Variants in ZZEF1 observed in about 807,000 individuals in gnomAD.
ZZEF1 encodes the protein zinc finger ZZ-type and EF-hand domain containing 1.
In ZZEF1, 157 loss-of-function variants were observed where a neutral mutation model predicts 342.8. The ratio of observed to expected loss-of-function variants is 0.46; its 90% confidence interval spans 0.40 to 0.52. The LOEUF is 0.52. ZZEF1 is among the 20% of genes least tolerant of loss of function. The pLI, the probability that ZZEF1 is intolerant of heterozygous loss-of-function variation, is 0.00. For synonymous variants in ZZEF1, 1,505 were observed against 1,429.1 expected, an observed-to-expected ratio of 1.05 and a Z score of -1.20; for missense variants, 3,480 against 3,725.6, an observed-to-expected ratio of 0.93 and a Z score of 1.72.
intron 52 of ZZEF1, among the ~76,000 whole-genome samples, chr17:4,010,449 G>A (rs933136790): frequency 8.6e-5 from 13 of 151,756 alleles, no homozygotes; most frequent in Non-Finnish European, 1.5e-5. Flanking sequence ...GGCCGGGCGC[G>A]GTAGCTCACG....
chr17:4,051,805 A>G, intron 35 of ZZEF1, among the ~76,000 whole-genome samples, 166 bp downstream of exon 35: 1 of 151,830 alleles, frequency 6.6e-6, no homozygotes, highest in East Asian at 1.9e-4. Context: ...TAACTGCTGA[A>G]CCTGGGTAAT....
intron 39 of ZZEF1, among the ~76,000 whole-genome samples, chr17:4,035,367 G>A (rs2056637304): frequency 6.6e-6 from 1 of 152,172 alleles, no homozygotes; most frequent in African/African-American, 2.4e-5. Flanking sequence ...TTCTCAAGAA[G>A]GCGTCTTTCT....
chr17:4,087,071 G>A (rs1174617446), intron 14 of ZZEF1, among the ~76,000 whole-genome samples: 4 of 152,022 alleles, frequency 2.6e-5, no homozygotes, highest in Admixed American at 2.0e-4. Context: ...TAGTAGAGAC[G>A]GGGTTTCACC....
At chr17:4,049,497 C>T (rs979297974) in intron 37 of ZZEF1, among the ~76,000 whole-genome samples, 5 of 152,050 alleles carry the variant, frequency 3.3e-5, no homozygotes, top group South Asian at 2.1e-4. Context: ...TGGGTGACAG[C>T]GAGACCCTGT....
chr17:4,014,235 G>A lies in ZZEF1; in HGVS notation c.8315-47C>T, dbSNP rs550245729. On this transcript the variant is annotated intron_variant, in intron 50 of 54. Coordinates refer to ENST00000381638, the MANE Select transcript of ZZEF1 (RefSeq NM_015113.4). This position sits in a 1 kb window ranked among gnomAD's most constrained non-coding sequence, Gnocchi z 4.4. The stretch of plus-strand genomic sequence containing the variant: ...GCCCATCAGGAACTGAAGCAACAGG[G>A]AATGGCAGCAGTGGTGTTGGGTTTC... 25 of 1,610,714 alleles carry A rather than the reference G, an allele frequency of 1.6e-5. No individual in the cohort carries two copies. The South Asian group carries it at 2.5e-4, about 16-fold the overall frequency.
Position 4,017,218 on chromosome 17 carries a change from G to A in ZZEF1, c.8001+153C>T, listed in dbSNP as rs1214054855. ...CCTCACTAGCCCAATCCTTGGGAGA[G>A]GATACAGTGACCCTACCTTTGCTGC... is the stretch of plus-strand genomic sequence containing the variant. On this transcript the variant is annotated intron_variant, in intron 48 of 54. Transcript: ENST00000381638. This position sits in a 1 kb window ranked among gnomAD's most constrained non-coding sequence, Gnocchi z 5.1. 5 of 1,091,840 alleles carry A rather than the reference G, an allele frequency of 4.6e-6. No homozygotes were observed. The highest frequency in any genetic ancestry group is 1.6e-5 in the South Asian group (1 of 60,938). 67.6% of individuals were successfully genotyped at this position (1,091,840 alleles called of 1,614,324 possible).
At position 4,142,770 on chromosome 17, in the gene ZZEF1, T is replaced by C. The variant is rs2058887610; in HGVS notation, c.126A>G (p.Pro42=). 3 of 1,438,782 alleles carry C rather than the reference T, an allele frequency of 2.1e-6. No individual in the cohort carries two copies. The highest frequency in any genetic ancestry group is 1.4e-5 in the South Asian group (1 of 69,340). The allele number at this position is 1,438,782 out of a possible 1,614,324, so 89.1% of individuals were successfully genotyped here. ...GCAGCGCCGCGGCGGGTGGTAGCGC[T>C]GGAGCCGCGACGCCCGGGCCGGGGG... ...GTTPGPGVAA[P]ALPPAAALLE... Residue 42 remains proline (P), a synonymous_variant, in exon 1 of 55, where the codon CCA becomes CCG. Coordinates refer to ENST00000381638, the MANE Select transcript of ZZEF1 (RefSeq NM_015113.4).
chr17:4,083,484 TC>T (rs2057762207), intron 16 of ZZEF1, among the ~76,000 whole-genome samples: 2 of 152,100 alleles, frequency 1.3e-5, no homozygotes, highest in African/African-American at 4.8e-5. Flanking sequence ...CAAACAAATA[TC>T]CTTCCTCTTC....
At chr17:4,036,732 CA>C (rs112646423) in intron 39 of ZZEF1, among the ~76,000 whole-genome samples, 78 of 116,072 alleles carry the variant, frequency 6.7e-4, no homozygotes, top group Non-Finnish European at 6.3e-4. Context: ...ACTCCATCTT[CA>C]AAAAAAAAAA....
chr17:4,098,870 A>T (rs1402707566), intron 9 of ZZEF1, among the ~76,000 whole-genome samples: 2 of 152,238 alleles, frequency 1.3e-5, no homozygotes, highest in Non-Finnish European at 2.9e-5. Flanking sequence ...AATCCATACT[A>T]CCAACAATTC....
intron 44 of ZZEF1, among the ~76,000 whole-genome samples, chr17:4,022,247 G>A (rs2056290565): frequency 6.6e-6 from 1 of 152,176 alleles, no homozygotes; most frequent in South Asian, 2.1e-4. Flanking sequence ...TTGGCACTGG[G>A]CACAGAAAGT....
intron 1 of ZZEF1, 51 bp downstream of exon 1, chr17:4,142,491 C>T (rs2058876159): frequency 1.3e-6 from 2 of 1,570,050 alleles, no homozygotes; most frequent in South Asian, 1.1e-5. Context: ...CCTTCAGTCC[C>T]CTGGGGGCGA....
intron 42 of ZZEF1, among the ~76,000 whole-genome samples, chr17:4,025,447 G>A (rs933848029): frequency 8.5e-5 from 13 of 152,192 alleles, no homozygotes; most frequent in Non-Finnish European, 1.8e-4. Flanking sequence ...AGCACTTTGG[G>A]AGGCCAAGGT....
At chr17:4,108,519 G>T (rs1185101650) in intron 6 of ZZEF1, among the ~76,000 whole-genome samples, 2 of 152,214 alleles carry the variant, frequency 1.3e-5, no homozygotes, top group Non-Finnish European at 2.9e-5. Context: ...TCCTTTTGCT[G>T]TAAGGGGCGT....
Position 4,008,898 on chromosome 17 carries a change from G to C in ZZEF1, c.8790C>G (p.Leu2930=). 6 of 1,547,170 alleles carry C rather than the reference G, an allele frequency of 3.9e-6. No individual in the cohort carries two copies. The highest frequency in any genetic ancestry group is 5.2e-6 in the Non-Finnish European group (6 of 1,148,724). Reference sequence around the variant, plus strand: ...GAGAGAGTACCTGTGCCGCACAGCGGAGAAGGTGGTCGTCCGTGGTTAGGG... The same window carrying C: ...GAGAGAGTACCTGTGCCGCACAGCGCAGAAGGTGGTCGTCCGTGGTTAGGG... ...LLALTTDDHL[L]RCAAQALQNI... The change falls in exon 54 of 55, where the codon CTC becomes CTG. Residue 2930 remains leucine, a synonymous_variant. Transcript: ENST00000381638. This position sits in a 1 kb window ranked among gnomAD's most constrained non-coding sequence, Gnocchi z 4.2.
chr17:4,101,637 G>GT (rs1555606762), intron 9 of ZZEF1, among the ~76,000 whole-genome samples: 2 of 151,306 alleles, frequency 1.3e-5, no homozygotes, highest in Non-Finnish European at 2.9e-5. Flanking sequence ...GTTTTGTTTT[G>GT]TTTTTTTGAA....
rs960467466 is a variant in ZZEF1 at position 4,019,569 on chromosome 17, C to T, written c.7505+100G>A. ...GCAACTGCTTCCCGGCCTGTCGGAG[C>T]GTCGATCGATCCAGAAGCTGCTGCC... On this transcript the variant is annotated intron_variant, in intron 46 of 54. Transcript: ENST00000381638. 2.4e-5 allele frequency: 26 copies of T among 1,061,564 alleles called. No homozygotes were observed. In the Admixed American group the frequency reaches 3.8e-4, roughly 16 times the overall value. The allele number at this position is 1,061,564 out of a possible 1,614,324, so 65.8% of individuals were successfully genotyped here. A position where few individuals can be genotyped will look rare whatever the true frequency, so the allele number is the denominator to read the frequency against.
intron 39 of ZZEF1, among the ~76,000 whole-genome samples, chr17:4,036,776 TACACACACACAC>T (rs761229612): frequency 0.027 from 2,726 of 99,888 alleles, 50 homozygotes; most frequent in Middle Eastern, 0.049. Flanking sequence ...ATATATAGAA[TACACACACACAC>T]ACACACACAC....
chr17:4,105,819 G>A lies in ZZEF1; in HGVS notation c.1278-10C>T, dbSNP rs1567846180. The A allele has an allele frequency of 1.9e-6, 3 of 1,589,810 alleles. No individual in the cohort carries two copies. ...GTGCCGCAGCGCCTTCCTAGAAGAGGAAAATGTAAAATGTAATCAGAACAA... is the reference window on the plus strand; with the variant it reads ...GTGCCGCAGCGCCTTCCTAGAAGAGAAAAATGTAAAATGTAATCAGAACAA... On this transcript the variant is annotated splice_polypyrimidine_tract_variant and intron_variant, in intron 6 of 54. Transcript: ENST00000381638.
Sources: gnomAD v4.1 joint callset for allele counts (sites outside exome capture counted in the v4.1 genomes callset) on GRCh38, gnomAD v4.1.1 for gene constraint, Gnocchi (gnomAD v3.1) non-coding constraint, MANE v1.5 for transcripts, NCBI Gene and HGNC (gene_info 2026-07-23, HGNC 2026-07-21) for gene names.